ST18: variants seen among roughly 807,000 people sequenced by gnomAD.
ST18 encodes suppression of tumorigenicity 18 protein.
ST18 carries 50 observed loss-of-function variants against 110.0 expected under a neutral mutation model. That is an observed-to-expected ratio of 0.45 (90% confidence interval 0.36 to 0.58). The LOEUF (loss-of-function observed/expected upper bound fraction) is 0.58. ST18 is among the 20% of genes least tolerant of loss of function. The pLI is 0.00. For missense variants in ST18, 1,306 were observed against 1,280.1 expected (o/e 1.02, Z -0.31); for synonymous variants, 461 against 452.4 (o/e 1.02, Z -0.24).
chr8:52,173,340 T>A (rs1317112865), intron 9 of ST18, among the ~76,000 whole-genome samples: 1 of 152,112 alleles, frequency 6.6e-6, no homozygotes, highest in Non-Finnish European at 1.5e-5. Context: ...CATTGGAGGG[T>A]GCTGAATGGC....
At chr8:52,408,395 C>G (rs1379839285) in intron 2 of ST18, among the ~76,000 whole-genome samples, 1 of 152,252 alleles carries the variant, frequency 6.6e-6, no homozygotes, top group Non-Finnish European at 1.5e-5. Flanking sequence ...CTCTTCCTGA[C>G]TGGAACACCA....
At chr8:52,407,247 A>G (rs1033759923) in intron 2 of ST18, 1 of 152,210 alleles carries the variant, frequency 6.6e-6, no homozygotes, top group Admixed American at 6.5e-5. Context: ...TGTCCAATGT[A>G]GAGTATCACG....
chr8:52,129,341 C>A (rs2048293167), intron 22 of ST18, among the ~76,000 whole-genome samples: 1 of 150,442 alleles, frequency 6.6e-6, no homozygotes, highest in South Asian at 2.1e-4. Flanking sequence ...GTGGTCCCAG[C>A]TACTTGGGAG....
chr8:52,131,892 C>A (rs538138067), intron 22 of ST18, 66 bp downstream of exon 22: 1 of 1,536,638 alleles, frequency 6.5e-7, no homozygotes, highest in East Asian at 2.3e-5. Context: ...ACAACCCTCT[C>A]CCCAAGGCAG....
At chr8:52,246,342 T>G (rs1043919508) in intron 2 of ST18, among the ~76,000 whole-genome samples, 2 of 151,960 alleles carry the variant, frequency 1.3e-5, no homozygotes, top group African/African-American at 4.8e-5. Flanking sequence ...AAAAAAATTT[T>G]TAAAAAACAG....
At chr8:52,389,592 G>C (rs1479862900) in intron 2 of ST18, among the ~76,000 whole-genome samples, 1 of 152,156 alleles carries the variant, frequency 6.6e-6, no homozygotes, top group Non-Finnish European at 1.5e-5. Flanking sequence ...AACCTGCCTT[G>C]AATCGTCACC....
intron 8 of ST18, among the ~76,000 whole-genome samples, chr8:52,200,051 C>A (rs1056655102): frequency 6.6e-6 from 1 of 152,114 alleles, no homozygotes; most frequent in African/African-American, 2.4e-5. Context: ...CATTCCAGTG[C>A]CTTCTATAGC....
At chr8:52,247,206 T>C (rs2093933455) in intron 2 of ST18, among the ~76,000 whole-genome samples, 1 of 152,306 alleles carries the variant, frequency 6.6e-6, no homozygotes, top group Admixed American at 6.5e-5. Flanking sequence ...CAAAGTTTCC[T>C]TCTGACAACA....
chr8:52,143,431 G>A (rs1256877444), intron 16 of ST18, among the ~76,000 whole-genome samples: 1 of 152,074 alleles, frequency 6.6e-6, no homozygotes, highest in Admixed American at 6.6e-5. Context: ...GTTACAGTGA[G>A]CCGAGATGGC....
chr8:52,367,156 C>A (rs373722147), intron 2 of ST18, among the ~76,000 whole-genome samples: 4 of 151,134 alleles, frequency 2.6e-5, no homozygotes, highest in Non-Finnish European at 5.9e-5. Context: ...CGCTTGAATC[C>A]GGGAGGTAGA....
chr8:52,401,745 CTT>C (rs886231183), intron 2 of ST18, among the ~76,000 whole-genome samples: 3 of 152,044 alleles, frequency 2.0e-5, no homozygotes, highest in African/African-American at 4.8e-5. Context: ...TCTGTATTCT[CTT>C]GTTTCCTTAA....
chr8:52,114,261 T>G (rs1356995022), intron 25 of ST18, among the ~76,000 whole-genome samples: 1 of 152,092 alleles, frequency 6.6e-6, no homozygotes, highest in Non-Finnish European at 1.5e-5. Flanking sequence ...TGAGCCACCA[T>G]GCTTGGCCTC....
intron 2 of ST18, among the ~76,000 whole-genome samples, chr8:52,376,141 T>A (rs907629765): frequency 1.3e-5 from 2 of 152,130 alleles, no homozygotes; most frequent in Non-Finnish European, 1.5e-5. Context: ...TAACCGATTA[T>A]CAGCATAGAA....
At position 52,270,692 on chromosome 8, in the gene ST18, G is replaced by GA. The variant is rs550473850; in HGVS notation, c.-464-40616dup. ...CAACTTTGAAAAACGCATCTTCCAAGAAAAAAAAGTAGGTAAGTGGTTGTT... is the reference window on the plus strand; with the variant it reads ...CAACTTTGAAAAACGCATCTTCCAAGAAAAAAAAAGTAGGTAAGTGGTTGTT... On this transcript the variant is annotated intron_variant, in intron 2 of 25. Coordinates refer to ENST00000689386, the MANE Select transcript of ST18 (RefSeq NM_001352837.2). 7.8e-4 allele frequency among the ~76,000 whole-genome samples: 118 copies of GA among 151,714 alleles called. 2 individuals carry two copies. In the South Asian group the frequency reaches 0.022, roughly 28 times the overall value.
intron 2 of ST18, among the ~76,000 whole-genome samples, chr8:52,266,540 CTT>C (rs759084646): frequency 2.7e-4 from 35 of 131,238 alleles, no homozygotes; most frequent in South Asian, 7.5e-4. Context: ...GTTTCTGCCA[CTT>C]TTTTTTTTTT....
At chr8:52,323,383 C>T (rs1804871065) in intron 2 of ST18, among the ~76,000 whole-genome samples, 1 of 152,232 alleles carries the variant, frequency 6.6e-6, no homozygotes, top group African/African-American at 2.4e-5. Flanking sequence ...GCACTACATC[C>T]TCCTTGAAAG....
At chr8:52,193,421 G>A (rs1269192171) in intron 8 of ST18, among the ~76,000 whole-genome samples, 1 of 152,208 alleles carries the variant, frequency 6.6e-6, no homozygotes, top group African/African-American at 2.4e-5. Flanking sequence ...CCCTGGGACA[G>A]CCCATATTCA....
chr8:52,371,092 TG>T (rs1291848569), intron 2 of ST18, among the ~76,000 whole-genome samples: 23 of 152,238 alleles, frequency 1.5e-4, no homozygotes, highest in Admixed American at 1.5e-3. Context: ...GTGGTTTTAC[TG>T]GTATCCTATT....
intron 2 of ST18, among the ~76,000 whole-genome samples, chr8:52,285,406 C>T (rs1411447875): frequency 6.6e-6 from 1 of 152,202 alleles, no homozygotes. Context: ...GCTGAGAAAA[C>T]TGTCTATACC....
Sources: gnomAD v4.1 joint callset for allele counts (sites outside exome capture counted in the v4.1 genomes callset) on GRCh38, gnomAD v4.1.1 for gene constraint, MANE v1.5 for transcripts, NCBI Gene and HGNC (gene_info 2026-07-23, HGNC 2026-07-21) for gene names.